The following C16orf74 variants were observed in gnomAD, a reference collection of about 807,000 sequenced individuals.
C16orf74 encodes calcimembrin.
Under a neutral mutation model 6.5 loss-of-function variants are expected in C16orf74, and 10 were observed. That is an observed-to-expected ratio of 1.54 (90% CI 0.95 to 2.61). The LOEUF (loss-of-function observed/expected upper bound fraction) is 2.61. Ranked by LOEUF, C16orf74 falls within the 30% of genes most tolerant of loss-of-function variation. The pLI, the probability that C16orf74 is intolerant of heterozygous loss-of-function variation, is 0.00. For synonymous variants in C16orf74, 60 were observed against 42.5 expected (o/e 1.41, Z -1.60); for missense variants, 141 against 105.9 (o/e 1.33, Z -1.45).
At chr16:85,716,222 G>A (rs1229862218) in intron 2 of C16orf74, among the ~76,000 whole-genome samples, 2 of 151,782 alleles carry the variant, frequency 1.3e-5, no homozygotes, top group Non-Finnish European at 2.9e-5. Flanking sequence ...GCCCTGGAGA[G>A]GCAGAAGTCT....
intron 2 of C16orf74, among the ~76,000 whole-genome samples, chr16:85,711,197 C>T (rs2053966231): frequency 6.6e-6 from 1 of 151,650 alleles, no homozygotes; most frequent in South Asian, 2.1e-4. Flanking sequence ...ACCTGTAATC[C>T]CAGCTACTCA....
chr16:85,728,043 C>G (rs2054151821), intron 2 of C16orf74, among the ~76,000 whole-genome samples: 1 of 150,580 alleles, frequency 6.6e-6, no homozygotes, highest in East Asian at 2.0e-4. Context: ...GAGGCTGAGG[C>G]AGGAGAACCA....
intron 2 of C16orf74, among the ~76,000 whole-genome samples, chr16:85,731,125 A>G (rs1567808713): frequency 6.6e-6 from 1 of 152,194 alleles, no homozygotes; most frequent in Non-Finnish European, 1.5e-5. Flanking sequence ...AGTCCTCTCC[A>G]GAACCCAGCA....
intron 2 of C16orf74, among the ~76,000 whole-genome samples, chr16:85,715,763 G>C (rs188950865): frequency 6.6e-6 from 1 of 152,190 alleles, no homozygotes; most frequent in South Asian, 2.1e-4. Flanking sequence ...GCGGAGGGGA[G>C]CTGAGATCTA....
chr16:85,725,863 C>T (rs75247779), intron 2 of C16orf74, among the ~76,000 whole-genome samples: 5 of 152,254 alleles, frequency 3.3e-5, no homozygotes, highest in South Asian at 2.1e-4. Context: ...CTTGGCTTTC[C>T]GAAGTGCTGG....
intron 2 of C16orf74, among the ~76,000 whole-genome samples, chr16:85,711,846 C>G (rs1019957319): frequency 3.3e-5 from 5 of 152,124 alleles, no homozygotes; most frequent in African/African-American, 1.2e-4. Context: ...TCAGGCCTCC[C>G]TTGACCACCA....
At chr16:85,750,572 A>G (rs1193008429) in intron 1 of C16orf74, among the ~76,000 whole-genome samples, 1 of 152,146 alleles carries the variant, frequency 6.6e-6, no homozygotes, top group Non-Finnish European at 1.5e-5. Flanking sequence ...GCTGCCTTCC[A>G]GCTCTCAGGA....
rs1016915277 is a variant in C16orf74 at position 85,707,837 on chromosome 16, G to A, written c.*171C>T. 1 of 614,800 alleles carries A rather than the reference G, an allele frequency of 1.6e-6. No homozygotes were observed. Among genetic ancestry groups the A allele is most frequent in the African/African-American group, 1.9e-5 (1 of 53,758 alleles). The allele number at this position is 614,800 out of a possible 1,614,324, so 38.1% of individuals were successfully genotyped here. A position where few individuals can be genotyped will look rare whatever the true frequency, so the allele number is the denominator to read the frequency against. Reference sequence around the variant, plus strand: ...GCCTGGGAAACACTGTTCTGGAAGTGGACAGGCTGGATTCCTCGCTGGTCC... The same window carrying A: ...GCCTGGGAAACACTGTTCTGGAAGTAGACAGGCTGGATTCCTCGCTGGTCC... On this transcript the variant is annotated 3_prime_UTR_variant, in exon 4 of 4. Coordinates refer to ENST00000284245, the MANE Select transcript of C16orf74 (RefSeq NM_206967.3).
intron 2 of C16orf74, among the ~76,000 whole-genome samples, chr16:85,718,498 G>A (rs559630876): frequency 3.3e-5 from 5 of 152,208 alleles, no homozygotes; most frequent in Admixed American, 1.3e-4. Flanking sequence ...CCCACGATGC[G>A]ATGGACGGCC....
chr16:85,740,209 C>G, intron 1 of C16orf74, among the ~76,000 whole-genome samples: 1 of 49,154 alleles, frequency 2.0e-5, no homozygotes, highest in Admixed American at 2.6e-4. Context: ...GAGACTTTGT[C>G]TCAAAAAAAA....
At chr16:85,733,094 G>A (rs1454431671) in intron 2 of C16orf74, among the ~76,000 whole-genome samples, 1 of 152,160 alleles carries the variant, frequency 6.6e-6, no homozygotes, top group Admixed American at 6.5e-5. Flanking sequence ...TACCTCCAGG[G>A]GCCTGGTTTC....
At chr16:85,726,847 C>T (rs906986639) in intron 2 of C16orf74, among the ~76,000 whole-genome samples, 3 of 152,276 alleles carry the variant, frequency 2.0e-5, no homozygotes, top group East Asian at 1.9e-4. Flanking sequence ...CCACCATGCA[C>T]GCCAGGCTGC....
chr16:85,735,845 T>C (rs1472997964), intron 1 of C16orf74, among the ~76,000 whole-genome samples: 2 of 151,980 alleles, frequency 1.3e-5, no homozygotes, highest in Non-Finnish European at 1.5e-5. Flanking sequence ...AATTGAAAAA[T>C]AGAAGCAGCA....
At chr16:85,733,231 C>T (rs950585880) in intron 2 of C16orf74, among the ~76,000 whole-genome samples, 1 of 152,332 alleles carries the variant, frequency 6.6e-6, no homozygotes, top group Non-Finnish European at 1.5e-5. Context: ...TGAAAAGGAA[C>T]GAAGCAGTGA....
intron 1 of C16orf74, among the ~76,000 whole-genome samples, chr16:85,744,848 A>AC (rs1431592882): frequency 6.7e-6 from 1 of 148,710 alleles, no homozygotes; most frequent in Non-Finnish European, 1.5e-5. Context: ...AAAAAAAAAA[A>AC]AACTCTCCGT....
chr16:85,723,769 G>T (rs1196996161), intron 2 of C16orf74, among the ~76,000 whole-genome samples: 1 of 152,232 alleles, frequency 6.6e-6, no homozygotes, highest in Non-Finnish European at 1.5e-5. Flanking sequence ...TGTGGGAAAG[G>T]GTGGGCAGTA....
At chr16:85,737,367 G>A (rs1304281968) in intron 1 of C16orf74, among the ~76,000 whole-genome samples, 1 of 152,192 alleles carries the variant, frequency 6.6e-6, no homozygotes, top group Non-Finnish European at 1.5e-5. Context: ...GAAGAGCTGG[G>A]CACTGCAGCC....
chr16:85,708,059 C>T lies in C16orf74; in HGVS notation c.180G>A (p.Leu60=). The part of the protein sequence containing the change: ...LPRDLGSTVW[L]DETGSCPDDG... The stretch of plus-strand genomic sequence containing the variant: ...CATCTGGGCACGACCCTGTCTCATC[C>T]AGCCAGACTAGGAGAAAGAGGGGAT... The change falls in exon 4 of 4, where the codon CTG becomes CTA. Residue 60 remains leucine, a synonymous_variant. Coordinates refer to ENST00000284245, the MANE Select transcript of C16orf74 (RefSeq NM_206967.3). The T allele has an allele frequency of 6.4e-7, 1 of 1,553,254 alleles. No individual in the cohort carries two copies. The highest frequency in any genetic ancestry group is 8.7e-7 in the Non-Finnish European group (1 of 1,147,808).
At chr16:85,713,277 CCT>C (rs1054914750) in intron 2 of C16orf74, among the ~76,000 whole-genome samples, 30 of 152,158 alleles carry the variant, frequency 2.0e-4, no homozygotes, top group African/African-American at 7.2e-4. Flanking sequence ...CAGACTCCCC[CCT>C]GCTTTTTTTT....
Sources: gnomAD v4.1 joint callset for allele counts (sites outside exome capture counted in the v4.1 genomes callset) on GRCh38, gnomAD v4.1.1 for gene constraint, MANE v1.5 for transcripts, NCBI Gene and HGNC (gene_info 2026-07-23, HGNC 2026-07-21) for gene names.